Variants in GATAD2A observed in about 807,000 individuals in gnomAD.
The protein encoded by GATAD2A is transcriptional repressor p66-alpha.
GATAD2A carries 12 observed loss-of-function variants against 68.5 expected under a neutral mutation model. The observed-to-expected ratio is 0.18, with a 90% CI of 0.11 to 0.28. GATAD2A has a LOEUF of 0.28. Among genes scored for constraint, GATAD2A ranks in the 10% least tolerant of loss-of-function variants. The probability of loss-of-function intolerance (pLI) is 1.00; values close to 1 mark genes in which losing one functional copy is unlikely to be tolerated. For missense variants in GATAD2A, 755 were observed against 868.5 expected (o/e 0.87, Z 1.64); for synonymous variants, 410 against 375.3 (o/e 1.09, Z -1.07).
At chr19:19,427,804 G>A (rs932210077) in intron 1 of GATAD2A, 1 of 152,372 alleles carries the variant, frequency 6.6e-6, no homozygotes, top group Non-Finnish European at 1.5e-5. Flanking sequence ...CTGCTGAGTA[G>A]CTGCGACTAC....
intron 1 of GATAD2A, among the ~76,000 whole-genome samples, chr19:19,390,414 G>A (rs1383769225): frequency 6.6e-6 from 1 of 152,104 alleles, no homozygotes; most frequent in Non-Finnish European, 1.5e-5. Context: ...ACCAGGAAGC[G>A]CTTGATATTC....
chr19:19,474,125 A>C (rs1394016930), intron 2 of GATAD2A: 1 of 985,206 alleles, frequency 1.0e-6, no homozygotes, highest in African/African-American at 1.7e-5. Flanking sequence ...AAAGGTGTGC[A>C]TCACATAATT....
intron 11 of GATAD2A, among the ~76,000 whole-genome samples, chr19:19,503,110 A>G (rs1458534375): frequency 6.6e-6 from 1 of 152,256 alleles, no homozygotes; most frequent in Non-Finnish European, 1.5e-5. Context: ...CGTCCCTGGC[A>G]TGGTCCCGAT....
chr19:19,436,646 C>T (rs1197685464), intron 1 of GATAD2A, among the ~76,000 whole-genome samples: 3 of 152,258 alleles, frequency 2.0e-5, no homozygotes, highest in South Asian at 2.1e-4. Flanking sequence ...TACCTTGCCT[C>T]GTGCCTCATG....
At chr19:19,457,696 A>C (rs1243640943) in intron 1 of GATAD2A, among the ~76,000 whole-genome samples, 1 of 151,576 alleles carries the variant, frequency 6.6e-6, no homozygotes, top group Non-Finnish European at 1.5e-5. Flanking sequence ...AGCCGAGATC[A>C]TGCCACTGCA....
chr19:19,455,390 C>T (rs1016982164), intron 1 of GATAD2A, among the ~76,000 whole-genome samples: 4 of 151,086 alleles, frequency 2.6e-5, no homozygotes, highest in Admixed American at 6.6e-5. Flanking sequence ...CTCGGGAGGC[C>T]GAGGCAGGAG....
At chr19:19,403,002 A>G (rs1396183016), upstream of GATAD2A, among the ~76,000 whole-genome samples, 1 of 151,850 alleles carries the variant, frequency 6.6e-6, no homozygotes, top group Non-Finnish European at 1.5e-5. Context: ...GGAACTCCTG[A>G]CCTCAGGTGA....
chr19:19,408,995 G>A (rs2050614065), intron 1 of GATAD2A, among the ~76,000 whole-genome samples: 1 of 147,598 alleles, frequency 6.8e-6, no homozygotes, highest in South Asian at 2.2e-4. Context: ...AAGTTGTAAA[G>A]CCATTCTTGA....
intron 1 of GATAD2A, among the ~76,000 whole-genome samples, chr19:19,451,208 A>C (rs933214294): frequency 2.6e-5 from 4 of 151,606 alleles, no homozygotes; most frequent in African/African-American, 9.7e-5. Flanking sequence ...CCCCCTCTCT[A>C]GTAAAATACA....
At position 19,508,829 on chromosome 19, in the gene GATAD2A, G is replaced by A. The variant is rs1313015812; in HGVS notation, c.*3355G>A. 2 of 152,156 alleles carry A rather than the reference G, an allele frequency of 1.3e-5. No individual in the cohort carries two copies. Among genetic ancestry groups the A allele is most frequent in the Non-Finnish European group, 2.9e-5 (2 of 68,032 alleles). The allele number at this position is 152,156 out of a possible 1,614,324, so 9.4% of individuals were successfully genotyped here. A position where few individuals can be genotyped will look rare whatever the true frequency, so the allele number is the denominator to read the frequency against. ...AAAAAGAAATGTTTGCCACCAGATG[G>A]GAATAGAAGTTCCAATAAGCAGGCT... On this transcript the variant is annotated 3_prime_UTR_variant, in exon 12 of 12. Coordinates refer to ENST00000683918, the MANE Select transcript of GATAD2A (RefSeq NM_001384528.1).
intron 1 of GATAD2A, among the ~76,000 whole-genome samples, chr19:19,427,348 T>C (rs2053218449): frequency 6.6e-6 from 1 of 151,128 alleles, no homozygotes; most frequent in Admixed American, 6.6e-5. Flanking sequence ...TCTATACCTT[T>C]ATGACAACAT....
chr19:19,412,721 AT>A, intron 1 of GATAD2A, among the ~76,000 whole-genome samples: 1 of 151,998 alleles, frequency 6.6e-6, no homozygotes, highest in East Asian at 1.9e-4. Flanking sequence ...CCAACTTAAC[AT>A]TTTCTCCAGT....
chr19:19,480,160 T>G (rs1213308412), intron 2 of GATAD2A, among the ~76,000 whole-genome samples: 1 of 152,216 alleles, frequency 6.6e-6, no homozygotes, highest in Non-Finnish European at 1.5e-5. Flanking sequence ...AAAGGTGAAT[T>G]GTCTGCATAA....
intron 2 of GATAD2A, among the ~76,000 whole-genome samples, chr19:19,487,919 G>A (rs1035804884): frequency 1.3e-5 from 2 of 152,208 alleles, no homozygotes; most frequent in Non-Finnish European, 1.5e-5. Context: ...AAAGAGGTGA[G>A]GAGGAAAGGT....
chr19:19,505,851 C>T lies in GATAD2A; in HGVS notation c.*377C>T, dbSNP rs1436086263. The T allele has an allele frequency of 1.2e-5, 5 of 405,114 alleles. No homozygotes were observed. The highest frequency in any genetic ancestry group is 2.2e-5 in the Non-Finnish European group (5 of 230,742). The allele number at this position is 405,114 out of a possible 1,614,324, so 25.1% of individuals were successfully genotyped here. A position where few individuals can be genotyped will look rare whatever the true frequency, so the allele number is the denominator to read the frequency against. Reference sequence around the variant, plus strand: ...GCGGCTCACCCTGGACACTGTGATGCGCATGGGCAAGGCCAGCGCCCGGGG... The same window carrying T: ...GCGGCTCACCCTGGACACTGTGATGTGCATGGGCAAGGCCAGCGCCCGGGG... On this transcript the variant is annotated 3_prime_UTR_variant, in exon 12 of 12. Coordinates refer to ENST00000683918, the MANE Select transcript of GATAD2A (RefSeq NM_001384528.1).
intron 1 of GATAD2A, among the ~76,000 whole-genome samples, chr19:19,417,396 C>A (rs146175754): frequency 6.6e-6 from 1 of 151,924 alleles, no homozygotes; most frequent in African/African-American, 2.4e-5. Context: ...CATCTGATTA[C>A]CCCCCCACCC....
At chr19:19,465,190 A>T (rs1600202234) in intron 1 of GATAD2A, 150 bp from the exon 2 acceptor site, 2 of 662,472 alleles carry the variant, frequency 3.0e-6, no homozygotes, top group East Asian at 2.7e-5. Flanking sequence ...TGTCCTGGGG[A>T]TGCTTTTCTG....
intron 2 of GATAD2A, 140 bp downstream of exon 2, chr19:19,465,754 C>A: frequency 1.0e-6 from 1 of 992,558 alleles, no homozygotes; most frequent in Non-Finnish European, 1.5e-6. Flanking sequence ...GCTCGGGCAT[C>A]ACCCACCACT....
At chr19:19,386,648 G>A (rs896043908) in intron 1 of GATAD2A, among the ~76,000 whole-genome samples, 2 of 151,820 alleles carry the variant, frequency 1.3e-5, no homozygotes, top group South Asian at 2.1e-4. Context: ...CTCTCTAGGG[G>A]ACCTCGTCTC....
Sources: allele counts gnomAD v4.1 joint callset (sites outside exome capture counted in the v4.1 genomes callset), GRCh38; gene constraint gnomAD v4.1.1; transcripts MANE v1.5; gene names NCBI Gene and HGNC (gene_info 2026-07-23, HGNC 2026-07-21).